Variants in PRDM15 observed in about 807,000 individuals in gnomAD.
PRDM15 encodes PR domain zinc finger protein 15.
In PRDM15, 64 loss-of-function variants were observed where a neutral mutation model predicts 128.6. That is an observed-to-expected ratio of 0.50 (90% CI 0.41 to 0.61). PRDM15 has a LOEUF of 0.61. Ranked by LOEUF, PRDM15 falls within the 20% of genes least tolerant of loss-of-function variation. PRDM15 has a pLI of 0.00. For synonymous variants in PRDM15, 615 were observed against 621.8 expected, an observed-to-expected ratio of 0.99 and a Z score of 0.16; for missense variants, 1,242 against 1,569.1, an observed-to-expected ratio of 0.79 and a Z score of 3.52.
In PRDM15 at chr21:41,799,752, T is replaced by G. The variant is rs1295714355; in HGVS notation, c.*1488A>C. On this transcript the variant is annotated 3_prime_UTR_variant, in exon 24 of 24. Coordinates refer to ENST00000398548, the MANE Select transcript of PRDM15 (RefSeq NM_001040424.3). ...CAGCCATGCCAGTGTTTCCTCAAGATGGACTCCCAGTGAGTGCAGGATCTG... is the reference window on the plus strand; with the variant it reads ...CAGCCATGCCAGTGTTTCCTCAAGAGGGACTCCCAGTGAGTGCAGGATCTG... The G allele has an allele frequency of 6.6e-6, 1 of 152,624 alleles. No homozygotes were observed. Among genetic ancestry groups the G allele is most frequent in the Admixed American group, 6.5e-5 (1 of 15,288 alleles). 9.5% of individuals were successfully genotyped at this position (152,624 alleles called of 1,614,324 possible).
chr21:41,828,434 G>T lies in PRDM15; in HGVS notation c.1367-101C>A. The T allele has an allele frequency of 8.2e-7, 1 of 1,222,132 alleles. No homozygotes were observed. The highest frequency in any genetic ancestry group is 1.2e-6 in the Non-Finnish European group (1 of 842,680). The allele number at this position is 1,222,132 out of a possible 1,614,324, so 75.7% of individuals were successfully genotyped here. On this transcript the variant is annotated intron_variant, in intron 11 of 23. Coordinates refer to ENST00000398548, the MANE Select transcript of PRDM15 (RefSeq NM_001040424.3). This position sits in a 1 kb window ranked among gnomAD's most constrained non-coding sequence, Gnocchi z 5.7. ...AACGTCAATAAAGCGCGGGTGACGG[G>T]CATGAGAGTCACGGGGATGCGTGGC...
At chr21:41,812,447 G>A (rs1228704430) in intron 19 of PRDM15, 2 of 152,196 alleles carry the variant, frequency 1.3e-5, no homozygotes, top group Non-Finnish European at 2.9e-5. Flanking sequence ...TTAGAGCCCG[G>A]GGGGAGGCGT....
intron 21 of PRDM15, among the ~76,000 whole-genome samples, chr21:41,809,015 G>A (rs1005489867): frequency 1.1e-4 from 16 of 152,210 alleles, no homozygotes; most frequent in African/African-American, 3.6e-4. Context: ...CGCAAGAGGC[G>A]AAGGATGCCA....
chr21:41,868,374 G>C (rs573246606), intron 1 of PRDM15, among the ~76,000 whole-genome samples: 1 of 152,250 alleles, frequency 6.6e-6, no homozygotes, highest in Non-Finnish European at 1.5e-5. Context: ...TGGGTCATCT[G>C]TTAGGAGGAT....
chr21:41,801,398 G>T lies in PRDM15; in HGVS notation c.3268C>A (p.Pro1090Thr). The T allele has an allele frequency of 5.0e-6, 8 of 1,613,698 alleles. No homozygotes were observed. Among genetic ancestry groups the T allele is most frequent in the Non-Finnish European group, 6.8e-6 (8 of 1,179,650 alleles). Residue 1090 changes from proline to threonine, a missense_variant, in exon 24 of 24, where the codon CCC becomes ACC. Transcript: ENST00000398548. The part of the protein sequence containing the change: ...NLTTLVNSIT[P>T]LGSQLSDQHP... ...TGGTCACTAAGCTGGCTCCCCAGGG[G>T]CGTGATGGAGTTGACCAGGGTCGTC...
chr21:41,873,134 T>C (rs575464507), intron 1 of PRDM15, among the ~76,000 whole-genome samples: 1 of 152,218 alleles, frequency 6.6e-6, no homozygotes, highest in African/African-American at 2.4e-5. Context: ...AGCAGCTGCA[T>C]CCTGGGCCTC....
chr21:41,876,047 TAGTA>T (rs2064402756), intron 1 of PRDM15, among the ~76,000 whole-genome samples: 1 of 152,122 alleles, frequency 6.6e-6, no homozygotes, highest in Admixed American at 6.5e-5. Context: ...TGTAACACAA[TAGTA>T]AGTATTTGCT....
intron 18 of PRDM15, 108 bp downstream of exon 18, chr21:41,819,474 C>CCCA: frequency 1.2e-6 from 1 of 831,088 alleles, no homozygotes; most frequent in Non-Finnish European, 1.8e-6. Flanking sequence ...CCGCCCCCGC[C>CCCA]ACACCCACCT....
rs370038783 is a variant in PRDM15 at position 41,802,745 on chromosome 21, G to C, written c.2910C>G (p.Asp970Glu). 1 of 1,614,182 alleles carries C rather than the reference G, an allele frequency of 6.2e-7. No individual in the cohort carries two copies. Among genetic ancestry groups the C allele is most frequent in the South Asian group, 1.1e-5 (1 of 91,080 alleles). The change falls in exon 23 of 24, where the codon GAC becomes GAG. Residue 970 changes from aspartate (D) to glutamate (E), a missense_variant. This residue lies in a region of PRDM15 where 602 missense variants were observed against 788.3 expected (regional missense o/e 0.76). Transcript: ENST00000398548. ...KETEFTGSVG[D>E]ETNSAVQSIQ... Reference sequence around the variant, plus strand: ...TGCTCTGTACTGCGGAATTGGTCTCGTCGCCTACACTGCCTGTGAACTCCG... The same window carrying C: ...TGCTCTGTACTGCGGAATTGGTCTCCTCGCCTACACTGCCTGTGAACTCCG...
At chr21:41,878,516 C>A (rs1019962188) in intron 1 of PRDM15, among the ~76,000 whole-genome samples, 1 of 152,176 alleles carries the variant, frequency 6.6e-6, no homozygotes, top group East Asian at 1.9e-4. Flanking sequence ...GCGCGTGGCC[C>A]CCGTCCCCAC....
Position 41,828,443 on chromosome 21 carries a change from T to G in PRDM15, c.1367-110A>C. On this transcript the variant is annotated intron_variant, in intron 11 of 23. Coordinates refer to ENST00000398548, the MANE Select transcript of PRDM15 (RefSeq NM_001040424.3). This position sits in a 1 kb window ranked among gnomAD's most constrained non-coding sequence, Gnocchi z 5.7. ...AAAGCGCGGGTGACGGGCATGAGAG[T>G]CACGGGGATGCGTGGCCAGGAAGAA... The G allele has an allele frequency of 9.1e-7, 1 of 1,100,760 alleles. No individual in the cohort carries two copies. The highest frequency in any genetic ancestry group is 1.4e-6 in the Non-Finnish European group (1 of 735,970). The allele number at this position is 1,100,760 out of a possible 1,614,324, so 68.2% of individuals were successfully genotyped here.
At chr21:41,848,085 G>A (rs1012262604) in intron 5 of PRDM15, among the ~76,000 whole-genome samples, 3 of 152,184 alleles carry the variant, frequency 2.0e-5, no homozygotes, top group African/African-American at 4.8e-5. Flanking sequence ...CCATCACTTC[G>A]ACTCTAATCA....
chr21:41,834,448 T>C (rs1421396151), intron 11 of PRDM15: 2 of 1,450,696 alleles, frequency 1.4e-6, no homozygotes. Context: ...AACACAGAGA[T>C]GCAAGTGACA....
Position 41,802,836 on chromosome 21 carries a change from GGCTTCT to G in PRDM15, c.2813_2818del (p.Gln938_Lys939del), listed in dbSNP as rs759749948. The stretch of plus-strand genomic sequence containing the variant: ...CACCGGAGCACCCGCCTCCTCTTCT[GGCTTCT>G]GCTTTCTCTTGTGACTTCGCTTGGC... On this transcript the variant is annotated inframe_deletion, in exon 23 of 24. Transcript: ENST00000398548. The G allele has an allele frequency of 8.1e-6, 13 of 1,614,058 alleles. No homozygotes were observed. The South Asian group carries it at 1.4e-4, about 18-fold the overall frequency.
chr21:41,841,378 A>G (rs1297538795), intron 6 of PRDM15, among the ~76,000 whole-genome samples: 6 of 152,254 alleles, frequency 3.9e-5, no homozygotes, highest in Admixed American at 3.9e-4. Flanking sequence ...GTGCAGAAAG[A>G]GAATAAGAAT....
In PRDM15 at chr21:41,841,964, G is replaced by T. The variant is rs372373516; in HGVS notation, c.641-2111C>A. On this transcript the variant is annotated intron_variant, in intron 6 of 23. Transcript: ENST00000398548. Reference sequence around the variant, plus strand: ...CAAAATGTGGAATGCAGCTAACATGGTTCTTAAGAAAAAATCATCTGAAAT... The same window carrying T: ...CAAAATGTGGAATGCAGCTAACATGTTTCTTAAGAAAAAATCATCTGAAAT... 6.6e-5 allele frequency among the ~76,000 whole-genome samples: 10 copies of T among 152,282 alleles called. No homozygotes were observed. In the South Asian group the frequency reaches 1.5e-3, roughly 22 times the overall value.
intron 21 of PRDM15, among the ~76,000 whole-genome samples, chr21:41,807,949 G>A (rs909772424): frequency 6.6e-6 from 1 of 152,194 alleles, no homozygotes; most frequent in Non-Finnish European, 1.5e-5. Context: ...CACAGAAGGC[G>A]AACTTGCAGT....
rs764219843 is a variant in PRDM15, at chr21:41,821,209, C to A, written c.1918G>T (p.Glu640Ter). 1 of 1,614,190 alleles carries A rather than the reference C, an allele frequency of 6.2e-7. No homozygotes were observed. ...RCQLTFGRGK[E>*]YLKHIMEVHK... ...ACCTCCATGATGTGCTTCAGGTACT[C>A]CTTCCCCCGGCCGAAGGTGAGCTGC... The change falls in exon 16 of 24, where the codon GAG (glutamate) becomes TAG (stop). Residue 640 changes from glutamate to a stop codon, truncating the protein, a stop_gained. Coordinates refer to ENST00000398548, the MANE Select transcript of PRDM15 (RefSeq NM_001040424.3). LOFTEE classifies it high-confidence loss of function. This position sits in a 1 kb window ranked among gnomAD's most constrained non-coding sequence, Gnocchi z 5.4.
At chr21:41,834,587 G>C (rs2062807858) in intron 11 of PRDM15, 2 of 1,543,296 alleles carry the variant, frequency 1.3e-6, no homozygotes, top group South Asian at 2.4e-5. Flanking sequence ...GGACACAAAG[G>C]CAACAGTGAC....
Sources: gnomAD v4.1 joint callset for allele counts (sites outside exome capture counted in the v4.1 genomes callset) on GRCh38, gnomAD v4.1.1 for gene constraint, gnomAD v4.1.1 regional missense constraint, Gnocchi (gnomAD v3.1) non-coding constraint, MANE v1.5 for transcripts, NCBI Gene and HGNC (gene_info 2026-07-23, HGNC 2026-07-21) for gene names.